TMEM182: variants seen among roughly 807,000 people sequenced by gnomAD.
The protein encoded by TMEM182 is transmembrane protein 182.
In TMEM182, 20 loss-of-function variants were observed where a neutral mutation model predicts 26.8. That is an observed-to-expected ratio of 0.75 (90% CI 0.53 to 1.09). TMEM182 has a LOEUF of 1.09. Among genes scored for constraint, TMEM182 ranks in the 50% least tolerant of loss-of-function variants. TMEM182 has a pLI of 0.00. For missense variants in TMEM182, 277 were observed against 275.5 expected (o/e 1.01, Z -0.04); for synonymous variants, 109 against 102.2 (o/e 1.07, Z -0.40).
chr2:102,751,874 C>T (rs1312800012), intron 1 of TMEM182, among the ~76,000 whole-genome samples: 1 of 151,992 alleles, frequency 6.6e-6, no homozygotes, highest in Admixed American at 6.6e-5. Flanking sequence ...CATTATCTTG[C>T]CCAAGCTGGT....
chr2:102,759,975 C>T (rs1354762136), upstream of TMEM182, among the ~76,000 whole-genome samples: 1 of 152,120 alleles, frequency 6.6e-6, no homozygotes, highest in Non-Finnish European at 1.5e-5. Flanking sequence ...TTGTGTAATC[C>T]AGGATATTGC....
intron 3 of TMEM182, among the ~76,000 whole-genome samples, chr2:102,842,537 AGGGGGGCCCAGAAT>A (rs1683374889): frequency 6.6e-6 from 1 of 152,006 alleles, no homozygotes; most frequent in African/African-American, 2.4e-5. Flanking sequence ...TCAGAATTGT[AGGGGGGCCCAGAAT>A]GGCATGGCAC....
At chr2:102,791,381 A>G (rs187669309) in intron 3 of TMEM182, among the ~76,000 whole-genome samples, 51 of 152,366 alleles carry the variant, frequency 3.3e-4, no homozygotes, top group African/African-American at 1.2e-3. Context: ...TTAGCTGATG[A>G]TTTTCAGTCT....
chr2:102,795,738 T>G (rs866718720), intron 3 of TMEM182, among the ~76,000 whole-genome samples: 1 of 152,180 alleles, frequency 6.6e-6, no homozygotes, highest in Non-Finnish European at 1.5e-5. Context: ...TCTTTAGCTC[T>G]TTTCTCTGTG....
intron 1 of TMEM182, among the ~76,000 whole-genome samples, chr2:102,750,098 C>G (rs1332825222): frequency 2.0e-5 from 3 of 151,806 alleles, no homozygotes; most frequent in African/African-American, 7.3e-5. Context: ...GAAAAAAAAG[C>G]ATTTTTTTGC....
chr2:102,789,303 A>C (rs548965182), intron 3 of TMEM182, among the ~76,000 whole-genome samples: 2 of 152,352 alleles, frequency 1.3e-5, no homozygotes, highest in East Asian at 3.9e-4. Flanking sequence ...AAATATTTAC[A>C]TTTTTGTATG....
Position 102,815,190 on chromosome 2 carries a change from C to A in TMEM182, c.*222C>A. 7.4e-7 allele frequency: 1 copy of A among 1,359,322 alleles called. No individual in the cohort carries two copies. The highest frequency in any genetic ancestry group is 9.4e-7 in the Non-Finnish European group (1 of 1,058,248). The allele number at this position is 1,359,322 out of a possible 1,614,324, so 84.2% of individuals were successfully genotyped here. A position where few individuals can be genotyped will look rare whatever the true frequency, so the allele number is the denominator to read the frequency against. ...TCTAAGTGCTGTCAAGGACCTAGTTCTTTAGGGAATAGGTAAACAGGTCTC... is the reference window on the plus strand; with the variant it reads ...TCTAAGTGCTGTCAAGGACCTAGTTATTTAGGGAATAGGTAAACAGGTCTC... On this transcript the variant is annotated 3_prime_UTR_variant, in exon 5 of 5. Coordinates refer to ENST00000412401, the MANE Select transcript of TMEM182 (RefSeq NM_144632.5).
intron 3 of TMEM182, among the ~76,000 whole-genome samples, chr2:102,831,344 G>A (rs900530156): frequency 6.6e-6 from 1 of 152,192 alleles, no homozygotes; most frequent in African/African-American, 2.4e-5. Flanking sequence ...ATCCTTGCCA[G>A]CATTTGTTAT....
intron 3 of TMEM182, among the ~76,000 whole-genome samples, chr2:102,773,320 A>AGGGCTGGG (rs1401932598): frequency 6.6e-6 from 1 of 152,018 alleles, no homozygotes; most frequent in Non-Finnish European, 1.5e-5. Context: ...AGTGCTCTGG[A>AGGGCTGGG]GAAACCTAAG....
intron 1 of TMEM182, among the ~76,000 whole-genome samples, chr2:102,750,932 G>A (rs563101686): frequency 1.4e-4 from 21 of 152,296 alleles, no homozygotes; most frequent in Middle Eastern, 3.4e-3. Flanking sequence ...GGTGCAAGCA[G>A]GGTTGGTTTC....
At chr2:102,813,187 G>A (rs568426168) in intron 4 of TMEM182, among the ~76,000 whole-genome samples, 4 of 152,240 alleles carry the variant, frequency 2.6e-5, no homozygotes, top group South Asian at 4.2e-4. Flanking sequence ...TTTAAACTCC[G>A]ATACTGACAC....
intron 3 of TMEM182, among the ~76,000 whole-genome samples, chr2:102,765,896 C>T (rs1322619318): frequency 6.6e-6 from 1 of 152,142 alleles, no homozygotes; most frequent in Non-Finnish European, 1.5e-5. Flanking sequence ...TGTGTCATGT[C>T]TAATGGACTT....
Position 102,815,792 on chromosome 2 carries a change from C to T in TMEM182, c.*824C>T, listed in dbSNP as rs1438622172. 7 of 924,538 alleles carry T rather than the reference C, an allele frequency of 7.6e-6. 1 individual carries two copies. In the Admixed American group the frequency reaches 3.7e-4, roughly 49 times the overall value. 57.3% of individuals were successfully genotyped at this position (924,538 alleles called of 1,614,324 possible). On this transcript the variant is annotated 3_prime_UTR_variant, in exon 5 of 5. Transcript: ENST00000412401. ...ATTCTATTTGATATTTTAAAATTCT[C>T]ATTTAAAAATTATATTGCTATCATT... is the stretch of plus-strand genomic sequence containing the variant.
chr2:102,789,345 A>C (rs948543816), intron 3 of TMEM182, among the ~76,000 whole-genome samples: 2 of 152,242 alleles, frequency 1.3e-5, no homozygotes, highest in African/African-American at 4.8e-5. Flanking sequence ...AACACTACAA[A>C]TTTGGAATTG....
rs1282121335 is a variant in TMEM182 at position 102,815,083 on chromosome 2, A to C, written c.*115A>C. 20 of 1,456,850 alleles carry C rather than the reference A, an allele frequency of 1.4e-5. No individual in the cohort carries two copies. The highest frequency in any genetic ancestry group is 1.8e-5 in the Non-Finnish European group (20 of 1,112,172). 90.2% of individuals were successfully genotyped at this position (1,456,850 alleles called of 1,614,324 possible). ...TAGTAGATATAACTTTTTAGTTGCT[A>C]TTCAAATTAATCATTTTACTAAAAT... On this transcript the variant is annotated 3_prime_UTR_variant, in exon 5 of 5. Coordinates refer to ENST00000412401, the MANE Select transcript of TMEM182 (RefSeq NM_144632.5).
intron 2 of TMEM182, 106 bp downstream of exon 2, chr2:102,762,792 A>C: frequency 3.5e-6 from 3 of 850,520 alleles, no homozygotes; most frequent in Non-Finnish European, 3.6e-6. Context: ...GAGTTACAAA[A>C]TCTCAATTAG....
At position 102,835,356 on chromosome 2, in the gene TMEM182, A is replaced by C. The variant is rs529772409; in HGVS notation, c.326-8056A>C. 5.9e-5 allele frequency among the ~76,000 whole-genome samples: 9 copies of C among 152,246 alleles called. No individual in the cohort carries two copies. In the East Asian group the frequency reaches 1.7e-3, roughly 29 times the overall value. ...AGCAATATTGAGTAGAAGGTATAGAAATTTCTCATGTGCTCCCTGCCCACA... is the reference window on the plus strand; with the variant it reads ...AGCAATATTGAGTAGAAGGTATAGACATTTCTCATGTGCTCCCTGCCCACA... On this transcript the variant is annotated intron_variant, in intron 3 of 3. Transcript: ENST00000486293.
intron 3 of TMEM182, among the ~76,000 whole-genome samples, chr2:102,830,651 G>C (rs1230839680): frequency 1.6e-4 from 24 of 152,152 alleles, no homozygotes; most frequent in Admixed American, 1.6e-3. Flanking sequence ...CATGGAGAAT[G>C]GGGTGTCCCT....
chr2:102,810,145 T>G (rs1682497888), intron 4 of TMEM182, among the ~76,000 whole-genome samples: 1 of 152,218 alleles, frequency 6.6e-6, no homozygotes, highest in African/African-American at 2.4e-5. Flanking sequence ...AAAATACATG[T>G]AAGAGTATAT....
Sources: gnomAD v4.1 joint callset for allele counts (sites outside exome capture counted in the v4.1 genomes callset) on GRCh38, gnomAD v4.1.1 for gene constraint, MANE v1.5 for transcripts, NCBI Gene and HGNC (gene_info 2026-07-23, HGNC 2026-07-21) for gene names.